The following LRP1B variants were observed in gnomAD, a reference collection of about 807,000 sequenced individuals.
LRP1B encodes the protein LDL receptor related protein 1B.
In LRP1B, 217 loss-of-function variants were observed where a neutral mutation model predicts 556.6. That is an observed-to-expected ratio of 0.39 (90% CI 0.35 to 0.44). LRP1B has a LOEUF of 0.44. Ranked by LOEUF, LRP1B falls within the 20% of genes least tolerant of loss-of-function variation. The pLI is 1.00. For synonymous variants in LRP1B, 2,047 were observed against 1,865.8 expected (o/e 1.10, Z -2.50); for missense variants, 5,053 against 5,620.8 (o/e 0.90, Z 3.23).
At chr2:141,771,920 G>A (rs977131107) in intron 2 of LRP1B, among the ~76,000 whole-genome samples, 3 of 152,102 alleles carry the variant, frequency 2.0e-5, no homozygotes, top group African/African-American at 7.2e-5. Context: ...CCTATTTCAA[G>A]CAATTCTCCT....
intron 32 of LRP1B, among the ~76,000 whole-genome samples, chr2:140,794,684 G>A (rs1007453382): frequency 3.3e-5 from 5 of 151,724 alleles, no homozygotes; most frequent in African/African-American, 1.2e-4. Flanking sequence ...TACAATCTCG[G>A]CTCACCACAA....
chr2:140,612,807 T>C (rs897486327), intron 41 of LRP1B, among the ~76,000 whole-genome samples: 1 of 152,064 alleles, frequency 6.6e-6, no homozygotes, highest in African/African-American at 2.4e-5. Flanking sequence ...ACATCATAAT[T>C]CTCTTGATAT....
rs1267791066 is a variant in LRP1B at position 140,350,915 on chromosome 2, C to A, written c.11774G>T (p.Gly3925Val). 6.2e-7 allele frequency: 1 copy of A among 1,611,080 alleles called. No homozygotes were observed. Among genetic ancestry groups the A allele is most frequent in the African/African-American group, 1.3e-5 (1 of 74,852 alleles). ...SHIEHNSRITGMDVYYQRDMI... is the reference protein window; with the variant it reads ...SHIEHNSRITVMDVYYQRDMI... ...ATCTCTTTGATAATATACATCCATC[C>A]CTGTTATTCTTGAATTATGTTCAAT... Residue 3925 changes from glycine (G) to valine (V), a missense_variant, in exon 77 of 91, where the codon GGG becomes GTG. By Grantham distance (109) the Gly-to-Val change is moderately radical (BLOSUM62 -3). Transcript: ENST00000389484.
At chr2:140,935,553 G>A (rs758216090) in intron 20 of LRP1B, among the ~76,000 whole-genome samples, 1 of 152,062 alleles carries the variant, frequency 6.6e-6, no homozygotes, top group Non-Finnish European at 1.5e-5. Context: ...AGGGCACCAT[G>A]AAGAAGAGCA....
chr2:140,304,158 C>G (rs1683963388), intron 83 of LRP1B, among the ~76,000 whole-genome samples: 1 of 152,136 alleles, frequency 6.6e-6, no homozygotes, highest in African/African-American at 2.4e-5. Context: ...GATTTATAAT[C>G]CTTTGGGTAT....
At chr2:141,713,995 C>G (rs1238147977) in intron 2 of LRP1B, among the ~76,000 whole-genome samples, 1 of 151,870 alleles carries the variant, frequency 6.6e-6, no homozygotes, top group Non-Finnish European at 1.5e-5. Context: ...TTACACTGAG[C>G]AGTGATACTT....
At chr2:140,445,290 T>C (rs1433856534) in intron 63 of LRP1B, among the ~76,000 whole-genome samples, 1 of 152,020 alleles carries the variant, frequency 6.6e-6, no homozygotes, top group Admixed American at 6.6e-5. Context: ...TAATTTTTTG[T>C]ATTTTTAGTA....
intron 6 of LRP1B, among the ~76,000 whole-genome samples, chr2:141,220,622 G>GAAAAAAAA (rs553644230): frequency 1.7e-5 from 2 of 118,172 alleles, no homozygotes; most frequent in African/African-American, 3.1e-5. Flanking sequence ...TCCAAGGTTG[G>GAAAAAAAA]AAAAAAAAAA....
chr2:140,422,641 G>A (rs912389591), intron 66 of LRP1B, among the ~76,000 whole-genome samples: 3 of 152,122 alleles, frequency 2.0e-5, no homozygotes, highest in Non-Finnish European at 2.9e-5. Flanking sequence ...AAAGGATAAC[G>A]TTAGGTTATT....
intron 18 of LRP1B, among the ~76,000 whole-genome samples, chr2:140,966,219 G>T (rs1431866499): frequency 2.0e-5 from 3 of 152,130 alleles, no homozygotes; most frequent in African/African-American, 7.2e-5. Flanking sequence ...AGCACCTGTT[G>T]TTTCCTGACT....
chr2:141,800,709 C>G (rs1695980841), intron 2 of LRP1B, among the ~76,000 whole-genome samples: 1 of 152,102 alleles, frequency 6.6e-6, no homozygotes, highest in African/African-American at 2.4e-5. Context: ...ACATCATCTT[C>G]TTTATCATGG....
chr2:140,517,341 T>G (rs912586823), intron 49 of LRP1B, among the ~76,000 whole-genome samples: 2 of 152,232 alleles, frequency 1.3e-5, no homozygotes, highest in Non-Finnish European at 2.9e-5. Context: ...TAGATACGAC[T>G]CTAAATTGAG....
At chr2:141,093,721 A>T (rs527650678) in intron 7 of LRP1B, among the ~76,000 whole-genome samples, 258 of 152,006 alleles carry the variant, frequency 1.7e-3, no homozygotes, top group African/African-American at 5.9e-3. Context: ...GAAAAAAAAA[A>T]CAACAATTTT....
At chr2:141,413,151 C>G (rs192633260) in intron 3 of LRP1B, among the ~76,000 whole-genome samples, 1 of 151,972 alleles carries the variant, frequency 6.6e-6, no homozygotes, top group Non-Finnish European at 1.5e-5. Flanking sequence ...TGCTTGAGCC[C>G]GGGAGTTCAA....
intron 2 of LRP1B, among the ~76,000 whole-genome samples, chr2:141,524,464 G>C (rs1684628117): frequency 6.6e-6 from 1 of 152,064 alleles, no homozygotes; most frequent in African/African-American, 2.4e-5. Flanking sequence ...AAGCTTGTCT[G>C]CAAGCCATGG....
At chr2:140,554,901 A>C (rs876562) in intron 43 of LRP1B, among the ~76,000 whole-genome samples, 5,358 of 134,016 alleles carry the variant, frequency 0.04, 134 homozygotes, top group African/African-American at 0.074. Context: ...TATATGAACT[A>C]CTAGCTAGGC....
At chr2:140,738,496 C>T (rs1366812942) in intron 35 of LRP1B, among the ~76,000 whole-genome samples, 1 of 152,120 alleles carries the variant, frequency 6.6e-6, no homozygotes, top group East Asian at 1.9e-4. Context: ...CCATCTCATT[C>T]ACACTAAGGC....
At chr2:141,039,462 G>T (rs1300573766) in intron 11 of LRP1B, among the ~76,000 whole-genome samples, 1 of 151,848 alleles carries the variant, frequency 6.6e-6, no homozygotes. Context: ...ATCCACTGAG[G>T]GTTTTTGAAC....
intron 66 of LRP1B, among the ~76,000 whole-genome samples, chr2:140,401,161 C>T (rs187118972): frequency 3.9e-5 from 6 of 152,246 alleles, no homozygotes; most frequent in Admixed American, 3.9e-4. Context: ...GGGAAGTACA[C>T]TGCAGGCATG....
Sources: gnomAD v4.1 joint callset for allele counts (sites outside exome capture counted in the v4.1 genomes callset) on GRCh38, gnomAD v4.1.1 for gene constraint, MANE v1.5 for transcripts, NCBI Gene and HGNC (gene_info 2026-07-23, HGNC 2026-07-21) for gene names.